Variants in BACH2 observed in about 807,000 individuals in gnomAD.
BACH2 encodes the protein transcription regulator protein BACH2.
In BACH2, 5 loss-of-function variants were observed where a neutral mutation model predicts 61.8. That is an observed-to-expected ratio of 0.08 (90% CI 0.04 to 0.17). The LOEUF (loss-of-function observed/expected upper bound fraction) is 0.17. BACH2 is among the 10% of genes least tolerant of loss of function. The pLI is 1.00. For missense variants in BACH2, 824 were observed against 1,091.1 expected (o/e 0.76, Z 3.45); for synonymous variants, 446 against 440.1 (o/e 1.01, Z -0.17).
At chr6:90,062,925 T>A in intron 5 of BACH2, 1 of 985,368 alleles carries the variant, frequency 1.0e-6, no homozygotes, top group Non-Finnish European at 1.2e-6. Flanking sequence ...TTCCTGCTGA[T>A]CTGAGAAGTC....
chr6:89,936,046 A>G (rs769559488), intron 8 of BACH2, among the ~76,000 whole-genome samples: 1 of 152,262 alleles, frequency 6.6e-6, no homozygotes, highest in Non-Finnish European at 1.5e-5. Context: ...GAATAGTCAC[A>G]ATGTCCAGCG....
chr6:90,227,430 G>C (rs1299536773), intron 3 of BACH2, among the ~76,000 whole-genome samples: 1 of 152,140 alleles, frequency 6.6e-6, no homozygotes, highest in Admixed American at 6.5e-5. Context: ...GGAAAAATTA[G>C]GAAATATCAG....
intron 5 of BACH2, among the ~76,000 whole-genome samples, chr6:90,051,187 A>G (rs1275913408): frequency 3.9e-5 from 6 of 152,162 alleles, no homozygotes; most frequent in Non-Finnish European, 1.5e-5. Flanking sequence ...ATTTGTTCTG[A>G]GGTACTTAAA....
chr6:90,024,442 GGCCTTT>G (rs1778534044), intron 5 of BACH2, among the ~76,000 whole-genome samples: 1 of 152,138 alleles, frequency 6.6e-6, no homozygotes, highest in Non-Finnish European at 1.5e-5. Flanking sequence ...TCTGAGCCCA[GGCCTTT>G]GCTTTGCAGT....
chr6:90,071,937 A>T (rs1306565819), intron 5 of BACH2, among the ~76,000 whole-genome samples: 1 of 152,114 alleles, frequency 6.6e-6, no homozygotes, highest in Middle Eastern at 3.2e-3. Context: ...CGGTATTCAC[A>T]TTGAGCAGAC....
intron 4 of BACH2, chr6:90,104,512 A>T (rs1782813467): frequency 1.3e-5 from 2 of 152,290 alleles, no homozygotes; most frequent in Non-Finnish European, 2.9e-5. Flanking sequence ...CACAGACAGC[A>T]CAGCCCCTAG....
At chr6:90,168,922 T>C (rs1278992866) in intron 4 of BACH2, among the ~76,000 whole-genome samples, 2 of 152,204 alleles carry the variant, frequency 1.3e-5, no homozygotes, top group Non-Finnish European at 2.9e-5. Flanking sequence ...AAAACTCGGT[T>C]TTGTAAAGAT....
chr6:89,943,488 A>G (rs1273527251), intron 7 of BACH2, among the ~76,000 whole-genome samples: 1 of 152,024 alleles, frequency 6.6e-6, no homozygotes, highest in East Asian at 1.9e-4. Context: ...CTTTCATAAA[A>G]TATAAGACAA....
intron 4 of BACH2, among the ~76,000 whole-genome samples, chr6:90,140,220 G>A (rs1016310710): frequency 6.6e-6 from 1 of 152,132 alleles, no homozygotes; most frequent in Admixed American, 6.5e-5. Context: ...TAACTTAGTC[G>A]CATGGCCAGT....
At chr6:90,152,216 A>G (rs903988050) in intron 4 of BACH2, among the ~76,000 whole-genome samples, 1 of 152,224 alleles carries the variant, frequency 6.6e-6, no homozygotes, top group Admixed American at 6.5e-5. Flanking sequence ...TATAATTTTC[A>G]TGCTGCACGA....
chr6:90,006,114 T>C (rs1777390859), intron 6 of BACH2, among the ~76,000 whole-genome samples: 2 of 152,236 alleles, frequency 1.3e-5, no homozygotes, highest in Admixed American at 1.3e-4. Flanking sequence ...TGTATCCCAG[T>C]TTCCTTTACA....
At chr6:90,120,785 C>G (rs142318134) in intron 4 of BACH2, among the ~76,000 whole-genome samples, 1 of 152,194 alleles carries the variant, frequency 6.6e-6, no homozygotes, top group Non-Finnish European at 1.5e-5. Context: ...TGTGGTCAAA[C>G]GAATACTGAA....
intron 5 of BACH2, among the ~76,000 whole-genome samples, chr6:90,060,023 C>T (rs1261731910): frequency 4.0e-5 from 6 of 149,410 alleles, no homozygotes; most frequent in Non-Finnish European, 5.9e-5. Context: ...ATACCTAATG[C>T]TAAATGACGA....
chr6:90,121,936 C>G (rs182406899), intron 4 of BACH2, among the ~76,000 whole-genome samples: 1 of 152,312 alleles, frequency 6.6e-6, no homozygotes, highest in East Asian at 1.9e-4. Context: ...CTTTTGCCCC[C>G]CATTTCTGGT....
chr6:89,967,003 A>C (rs1775081434), intron 6 of BACH2, among the ~76,000 whole-genome samples: 1 of 152,146 alleles, frequency 6.6e-6, no homozygotes, highest in Non-Finnish European at 1.5e-5. Flanking sequence ...ATTTTTGACA[A>C]TGGTGTCATC....
In BACH2 at chr6:90,296,723, G is replaced by T. The variant is rs1451983620; in HGVS notation, c.-689C>A. ...GCGGCGGCGGGAGTGGGCAGGCGGG[G>T]TGGCGAGGGCGGCGGCCGCTCACGT... On this transcript the variant is annotated 5_prime_UTR_variant, in exon 1 of 9. Transcript: ENST00000257749. 2.6e-5 allele frequency: 4 copies of T among 154,376 alleles called. No individual in the cohort carries two copies. Among genetic ancestry groups the T allele is most frequent in the African/African-American group, 7.2e-5 (3 of 41,388 alleles). The allele number at this position is 154,376 out of a possible 1,614,324, so 9.6% of individuals were successfully genotyped here.
In BACH2 at chr6:89,930,349, CAT is replaced by C. The variant is rs1223712425; in HGVS notation, c.*2057_*2058del. 1 of 138,000 alleles carries C rather than the reference CAT, an allele frequency of 7.2e-6. No homozygotes were observed. 8.5% of individuals were successfully genotyped at this position (138,000 alleles called of 1,614,324 possible). ...CAGAAAAAAGTTAATAATACTAAAACATATGTTACTATGATTTCACTTTTAGC... is the reference window on the plus strand; with the variant it reads ...CAGAAAAAAGTTAATAATACTAAAACATGTTACTATGATTTCACTTTTAGC... On this transcript the variant is annotated 3_prime_UTR_variant, in exon 9 of 9. Coordinates refer to ENST00000257749, the MANE Select transcript of BACH2 (RefSeq NM_021813.4).
chr6:90,157,569 G>A (rs1294149851), intron 4 of BACH2, among the ~76,000 whole-genome samples: 3 of 152,122 alleles, frequency 2.0e-5, no homozygotes, highest in South Asian at 2.1e-4. Context: ...TCCATCTTTC[G>A]GTCCTATTTT....
chr6:90,195,193 C>A (rs191377057), intron 4 of BACH2, among the ~76,000 whole-genome samples: 272 of 152,228 alleles, frequency 1.8e-3, no homozygotes, highest in African/African-American at 5.7e-3. Context: ...TCACCTCCCC[C>A]CTCCCCCATC....
Sources: gnomAD v4.1 joint callset for allele counts (sites outside exome capture counted in the v4.1 genomes callset) on GRCh38, gnomAD v4.1.1 for gene constraint, MANE v1.5 for transcripts, NCBI Gene and HGNC (gene_info 2026-07-23, HGNC 2026-07-21) for gene names.